The following TAF3 variants were observed in gnomAD, a reference collection of about 807,000 sequenced individuals.
TAF3 encodes TATA-box binding protein associated factor 3.
In TAF3, 7 loss-of-function variants were observed where a neutral mutation model predicts 80.6. The observed-to-expected ratio is 0.09, with a 90% CI of 0.05 to 0.16. TAF3 has a LOEUF of 0.16. TAF3 is among the 10% of genes least tolerant of loss of function. The pLI, the probability that TAF3 is intolerant of heterozygous loss-of-function variation, is 1.00. For missense variants in TAF3, 921 were observed against 1,140.2 expected (o/e 0.81, Z 2.77); for synonymous variants, 444 against 446.1 (o/e 1.00, Z 0.06).
At chr10:7,992,715 A>C (rs1831846755) in intron 4 of TAF3, among the ~76,000 whole-genome samples, 1 of 152,220 alleles carries the variant, frequency 6.6e-6, no homozygotes, top group Admixed American at 6.5e-5. Flanking sequence ...TTTTATGATT[A>C]ATGATCTGAA....
At chr10:7,940,925 C>T (rs1013820996) in intron 2 of TAF3, among the ~76,000 whole-genome samples, 2 of 150,636 alleles carry the variant, frequency 1.3e-5, no homozygotes, top group South Asian at 2.1e-4. Flanking sequence ...CACCACTGCA[C>T]TCCAGCCTGG....
At chr10:7,940,986 A>G (rs1034439383) in intron 2 of TAF3, among the ~76,000 whole-genome samples, 3 of 151,992 alleles carry the variant, frequency 2.0e-5, no homozygotes, top group Non-Finnish European at 4.4e-5. Context: ...AGAAGAAAAG[A>G]AAAAGAAAAC....
At chr10:7,929,538 C>T (rs1837847148) in intron 2 of TAF3, among the ~76,000 whole-genome samples, 1 of 152,088 alleles carries the variant, frequency 6.6e-6, no homozygotes, top group Admixed American at 6.6e-5. Context: ...GCTGAGACTA[C>T]AGGCGTGTGC....
At chr10:7,936,042 A>G (rs890735287) in intron 2 of TAF3, among the ~76,000 whole-genome samples, 5 of 152,108 alleles carry the variant, frequency 3.3e-5, no homozygotes, top group African/African-American at 1.2e-4. Flanking sequence ...AATCTAAGAG[A>G]CACGGCGGTG....
intron 2 of TAF3, among the ~76,000 whole-genome samples, chr10:7,832,058 A>C (rs1217969736): frequency 6.6e-6 from 1 of 151,850 alleles, no homozygotes; most frequent in Non-Finnish European, 1.5e-5. Context: ...TTTAAAACTT[A>C]CTCTCTTAAT....
At chr10:7,978,786 T>G (rs1265866453) in intron 4 of TAF3, among the ~76,000 whole-genome samples, 1 of 152,238 alleles carries the variant, frequency 6.6e-6, no homozygotes, top group African/African-American at 2.4e-5. Context: ...CAGTTTATAT[T>G]TATTCCCATG....
At chr10:8,005,884 C>T (rs1418902289) in intron 4 of TAF3, among the ~76,000 whole-genome samples, 1 of 152,232 alleles carries the variant, frequency 6.6e-6, no homozygotes, top group African/African-American at 2.4e-5. Flanking sequence ...TTATTAAGAT[C>T]ACAGGCTCTA....
chr10:7,824,380 C>T lies in TAF3; in HGVS notation c.229C>T (p.Leu77=). The T allele has an allele frequency of 6.2e-7, 1 of 1,614,128 alleles. No homozygotes were observed. Among genetic ancestry groups the T allele is most frequent in the South Asian group, 1.1e-5 (1 of 91,084 alleles). Residue 77 remains leucine, a synonymous_variant, in exon 2 of 7, where the codon CTA becomes TTA. Transcript: ENST00000344293. The part of the protein sequence containing the change: ...GEAFQLMGVS[L]HELEDYIHNI... ...AGCTTTCCAGCTGATGGGGGTTAGTCTACATGAACTAGAAGACTATATTCA... is the reference window on the plus strand; with the variant it reads ...AGCTTTCCAGCTGATGGGGGTTAGTTTACATGAACTAGAAGACTATATTCA...
chr10:7,975,297 G>A (rs145381694), intron 3 of TAF3, among the ~76,000 whole-genome samples: 4 of 152,200 alleles, frequency 2.6e-5, no homozygotes, highest in Admixed American at 2.0e-4. Flanking sequence ...GTGTAGAAGG[G>A]GAAAGAAGGT....
intron 2 of TAF3, among the ~76,000 whole-genome samples, chr10:7,948,432 G>A (rs2131401621): frequency 6.6e-6 from 1 of 152,232 alleles, no homozygotes; most frequent in South Asian, 2.1e-4. Flanking sequence ...TGATGGATGT[G>A]ATAACTTTCT....
At chr10:7,946,204 C>T (rs890044752) in intron 2 of TAF3, among the ~76,000 whole-genome samples, 3 of 152,184 alleles carry the variant, frequency 2.0e-5, no homozygotes, top group Admixed American at 1.3e-4. Context: ...CACACTCTTT[C>T]CCATGATCCA....
intron 2 of TAF3, chr10:7,833,812 G>T (rs565503871): frequency 3.9e-5 from 18 of 464,724 alleles, no homozygotes; most frequent in African/African-American, 3.5e-4. Context: ...GTGGCCAATT[G>T]CAGTTCTTCA....
At chr10:7,834,982 A>G (rs111602957) in intron 2 of TAF3, among the ~76,000 whole-genome samples, 1,712 of 152,304 alleles carry the variant, frequency 0.011, 21 homozygotes, top group Non-Finnish European at 0.018. Context: ...TCAAGATAGA[A>G]CATTATAGGT....
intron 2 of TAF3, among the ~76,000 whole-genome samples, chr10:7,828,443 C>T (rs568922203): frequency 3.3e-5 from 5 of 152,224 alleles, no homozygotes; most frequent in Non-Finnish European, 5.9e-5. Context: ...AGAAGTGAGA[C>T]CTCTTTGAAA....
intron 2 of TAF3, among the ~76,000 whole-genome samples, chr10:7,910,211 T>A (rs1386005640): frequency 6.6e-6 from 1 of 152,130 alleles, no homozygotes; most frequent in Non-Finnish European, 1.5e-5. Context: ...CTCCTTATAC[T>A]GAGCACTTAG....
At chr10:7,873,229 GA>G (rs1005269455) in intron 2 of TAF3, among the ~76,000 whole-genome samples, 12 of 151,914 alleles carry the variant, frequency 7.9e-5, no homozygotes, top group East Asian at 3.9e-4. Context: ...TTTTCTTCAA[GA>G]TTTTTTTTTT....
intron 2 of TAF3, among the ~76,000 whole-genome samples, chr10:7,892,447 A>G (rs1487003857): frequency 6.6e-6 from 1 of 152,248 alleles, no homozygotes; most frequent in Non-Finnish European, 1.5e-5. Context: ...AAACATAGTC[A>G]AAAAGCAATT....
At chr10:7,835,303 C>G (rs575013480) in intron 2 of TAF3, among the ~76,000 whole-genome samples, 7 of 145,514 alleles carry the variant, frequency 4.8e-5, no homozygotes, top group African/African-American at 1.8e-4. Flanking sequence ...CCGTCCTGGG[C>G]CGCATATGGC....
intron 2 of TAF3, among the ~76,000 whole-genome samples, chr10:7,846,134 G>T (rs1836969365): frequency 4.0e-5 from 6 of 151,752 alleles, no homozygotes; most frequent in Admixed American, 3.9e-4. Context: ...AATTTTTTGT[G>T]TTTTGGTAGA....
Sources: gnomAD v4.1 joint callset for allele counts (sites outside exome capture counted in the v4.1 genomes callset) on GRCh38, gnomAD v4.1.1 for gene constraint, MANE v1.5 for transcripts, NCBI Gene and HGNC (gene_info 2026-07-23, HGNC 2026-07-21) for gene names.